The following EPHX1 variants were observed in gnomAD, a reference collection of about 807,000 sequenced individuals.
EPHX1 encodes the protein epoxide hydratase.
EPHX1 carries 40 observed loss-of-function variants against 43.2 expected under a neutral mutation model. That is an observed-to-expected ratio of 0.93 (90% CI 0.72 to 1.21). EPHX1 has a LOEUF of 1.21. EPHX1 is among the 50% of genes most tolerant of loss of function. EPHX1 has a pLI of 0.00. For missense variants in EPHX1, 550 were observed against 570.4 expected (o/e 0.96, Z 0.36); for synonymous variants, 221 against 226.7 (o/e 0.98, Z 0.22).
intron 3 of EPHX1, among the ~76,000 whole-genome samples, chr1:225,835,551 A>ACCTG (rs1559023021): frequency 6.6e-6 from 1 of 151,494 alleles, no homozygotes; most frequent in East Asian, 1.9e-4. Flanking sequence ...CACCATGCCC[A>ACCTG]GCTAATTTTT....
chr1:225,826,186 A>G (rs1026291731), intron 1 of EPHX1, among the ~76,000 whole-genome samples: 3 of 152,122 alleles, frequency 2.0e-5, no homozygotes, highest in Non-Finnish European at 2.9e-5. Context: ...CCACAGGGCC[A>G]GGCACAGCAG....
At chr1:225,832,062 C>A in intron 3 of EPHX1, 103 bp downstream of exon 3, 1 of 1,280,704 alleles carries the variant, frequency 7.8e-7, no homozygotes, top group Non-Finnish European at 1.1e-6. Context: ...ATTCAGAACC[C>A]AATTATAGGT....
rs770081240 is a variant in EPHX1, at chr1:225,831,827, G to A, written c.232G>A (p.Asp78Asn). Residue 78 changes from aspartate (D) to asparagine (N), a missense_variant, in exon 3 of 9, where the codon GAC becomes AAC. Physicochemically the swap from Asp to Asn is conservative, Grantham distance 23. Coordinates refer to ENST00000272167, the MANE Select transcript of EPHX1 (RefSeq NM_001136018.4). The stretch of plus-strand genomic sequence containing the variant: ...GTTCCGTTTCACCCCACCTTTGGAG[G>A]ACAGCTGCTTCCACTATGGCTTCAA... The part of the protein sequence containing the change: ...DKFRFTPPLE[D>N]SCFHYGFNSN... 4 of 1,614,070 alleles carry A rather than the reference G, an allele frequency of 2.5e-6. No homozygotes were observed. In the Admixed American group the frequency reaches 5.0e-5, roughly 20 times the overall value.
chr1:225,845,277 C>A lies in EPHX1; in HGVS notation c.1298C>A (p.Ala433Glu). 5 of 1,613,522 alleles carry A rather than the reference C, an allele frequency of 3.1e-6. No homozygotes were observed. The highest frequency in any genetic ancestry group is 4.2e-6 in the Non-Finnish European group (5 of 1,180,002). ...TACATGGTTCGTGGGGGCCACTTTGCGGCCTTTGAGGAGCCGGAGCTGCTC... is the reference window on the plus strand; with the variant it reads ...TACATGGTTCGTGGGGGCCACTTTGAGGCCTTTGAGGAGCCGGAGCTGCTC... ...YSYMVRGGHF[A>E]AFEEPELLAQ... The change falls in exon 9 of 9, where the codon GCG (alanine) becomes GAG (glutamate). Residue 433 changes from alanine to glutamate, a missense_variant. Transcript: ENST00000272167.
intron 7 of EPHX1, 50 bp downstream of exon 7, chr1:225,842,524 A>G (rs1276938361): frequency 5.5e-6 from 7 of 1,261,386 alleles, no homozygotes; most frequent in African/African-American, 2.9e-5. Flanking sequence ...CCAGCAGCCA[A>G]CCTCCTCACC....
intron 2 of EPHX1, among the ~76,000 whole-genome samples, chr1:225,830,754 C>T (rs571924445): frequency 1.5e-4 from 23 of 152,244 alleles, no homozygotes; most frequent in African/African-American, 2.6e-4. Flanking sequence ...CGTGAACCAC[C>T]GTGCTGGGCC....
At position 225,839,317 on chromosome 1, in the gene EPHX1, C is replaced by G. The variant is rs1271812923; in HGVS notation, c.693C>G (p.Ile231Met). 3.1e-6 allele frequency: 5 copies of G among 1,613,856 alleles called. No homozygotes were observed. The highest frequency in any genetic ancestry group is 4.2e-6 in the Non-Finnish European group (5 of 1,180,004). ...YIQGGDWGSL[I>M]CTNMAQLVPS... Reference sequence around the variant, plus strand: ...AAGGAGGGGACTGGGGGTCCCTGATCTGCACTAATATGGCCCAGCTGGTGC... The same window carrying G: ...AAGGAGGGGACTGGGGGTCCCTGATGTGCACTAATATGGCCCAGCTGGTGC... The change falls in exon 5 of 9, where the codon ATC becomes ATG. Residue 231 changes from isoleucine (I) to methionine (M), a missense_variant. By Grantham distance (10) the Ile-to-Met change is conservative. Coordinates refer to ENST00000272167, the MANE Select transcript of EPHX1 (RefSeq NM_001136018.4).
intron 6 of EPHX1, chr1:225,840,834 C>T: frequency 6.6e-6 from 1 of 152,254 alleles, no homozygotes; most frequent in East Asian, 1.9e-4. Flanking sequence ...TCTCAAAGTT[C>T]TTCATAGTTT....
At chr1:225,831,180 A>G (rs1460285752) in intron 2 of EPHX1, among the ~76,000 whole-genome samples, 1 of 152,224 alleles carries the variant, frequency 6.6e-6, no homozygotes, top group African/African-American at 2.4e-5. Context: ...CTGGCCCTTT[A>G]CAGAAAAAGT....
chr1:225,825,237 C>A (rs1383342417), intron 1 of EPHX1: 1 of 152,192 alleles, frequency 6.6e-6, no homozygotes, highest in Non-Finnish European at 1.5e-5. Flanking sequence ...TGTGCAGAGT[C>A]CAGGGGAGAT....
At chr1:225,814,023 G>C (rs1245099199) in intron 1 of EPHX1, among the ~76,000 whole-genome samples, 1 of 152,226 alleles carries the variant, frequency 6.6e-6, no homozygotes, top group Admixed American at 6.5e-5. Flanking sequence ...TTGATGAATA[G>C]AGACTGAATT....
chr1:225,832,824 C>A (rs1012765638), intron 3 of EPHX1, among the ~76,000 whole-genome samples: 1 of 152,064 alleles, frequency 6.6e-6, no homozygotes, highest in African/African-American at 2.4e-5. Context: ...ATTTTTTATG[C>A]GGTACTTATT....
chr1:225,825,611 T>G (rs1420143987), intron 1 of EPHX1: 1 of 152,268 alleles, frequency 6.6e-6, no homozygotes, highest in Non-Finnish European at 1.5e-5. Context: ...AATATTATGC[T>G]CGCAGCCTCC....
At chr1:225,836,290 G>T (rs1667962585) in intron 3 of EPHX1, among the ~76,000 whole-genome samples, 1 of 151,892 alleles carries the variant, frequency 6.6e-6, no homozygotes, top group African/African-American at 2.4e-5. Context: ...CATTATCCAG[G>T]TTTTAAAAAG....
chr1:225,842,772 C>T (rs1668538630), intron 7 of EPHX1, among the ~76,000 whole-genome samples: 1 of 152,214 alleles, frequency 6.6e-6, no homozygotes, highest in South Asian at 2.1e-4. Flanking sequence ...GCAGCAGGCA[C>T]CACATTATTG....
chr1:225,831,068 G>A (rs1667561264), intron 2 of EPHX1, among the ~76,000 whole-genome samples: 2 of 152,088 alleles, frequency 1.3e-5, no homozygotes, highest in Non-Finnish European at 2.9e-5. Flanking sequence ...AGTTTTATTG[G>A]AACACAGCCA....
intron 3 of EPHX1, among the ~76,000 whole-genome samples, 195 bp from the exon 4 acceptor site, chr1:225,838,459 G>A (rs535858781): frequency 6.6e-6 from 1 of 152,246 alleles, no homozygotes; most frequent in South Asian, 2.1e-4. Context: ...TGAAGGCTGA[G>A]TGAGGACATC....
intron 2 of EPHX1, among the ~76,000 whole-genome samples, chr1:225,829,753 T>C (rs999924062): frequency 7.9e-5 from 12 of 152,006 alleles, no homozygotes; most frequent in Non-Finnish European, 1.8e-4. Flanking sequence ...AGAAAAGGAA[T>C]GTGCACAAAG....
At chr1:225,842,509 T>C in intron 7 of EPHX1, 35 bp downstream of exon 7, 2 of 1,477,678 alleles carry the variant, frequency 1.4e-6, no homozygotes, top group South Asian at 1.1e-5. Flanking sequence ...GTCATGACCC[T>C]GGTCCCAGCA....
Sources: gnomAD v4.1 joint callset for allele counts (sites outside exome capture counted in the v4.1 genomes callset) on GRCh38, gnomAD v4.1.1 for gene constraint, MANE v1.5 for transcripts, NCBI Gene and HGNC (gene_info 2026-07-23, HGNC 2026-07-21) for gene names.